Variants in ZFP42 observed in about 807,000 individuals in gnomAD.
ZFP42 encodes the protein zinc finger protein 42 homolog.
For missense variants in ZFP42, 438 were observed against 377.1 expected (o/e 1.16, Z -1.34); for synonymous variants, 175 against 144.6 (o/e 1.21, Z -1.51).
chr4:188,005,030 A>G lies in ZFP42; in HGVS notation c.*1290A>G, dbSNP rs904452718. On this transcript the variant is annotated 3_prime_UTR_variant, in exon 4 of 4. Coordinates refer to ENST00000326866, the MANE Select transcript of ZFP42 (RefSeq NM_174900.5). ...ATCCATTTTAGATATTTCACAATTA[A>G]AGAATATGAAACTTCAGAAATATGC... The G allele has an allele frequency of 6.0e-6, 1 of 167,100 alleles. No homozygotes were observed. The highest frequency in any genetic ancestry group is 1.5e-5 in the Non-Finnish European group (1 of 68,124). The allele number at this position is 167,100 out of a possible 1,614,324, so 10.4% of individuals were successfully genotyped here.
chr4:188,003,076 C>G lies in ZFP42; in HGVS notation c.269C>G (p.Ser90Ter). Residue 90 changes from serine (S) to a stop codon, truncating the protein, a stop_gained, in exon 4 of 4, where the codon TCA (serine) becomes TGA (stop). Coordinates refer to ENST00000326866, the MANE Select transcript of ZFP42 (RefSeq NM_174900.5). LOFTEE classifies it low-confidence loss of function (END_TRUNC). Reference sequence around the variant, plus strand: ...TCTCAACCCATCCTGGAAGAGGACTCACTTTTTGAGTCCTTGGAATACCTA... The same window carrying G: ...TCTCAACCCATCCTGGAAGAGGACTGACTTTTTGAGTCCTTGGAATACCTA... Reference protein sequence around the residue: ...EFSQPILEEDSLFESLEYLKK... With the variant: ...EFSQPILEED The G allele has an allele frequency of 6.2e-7, 1 of 1,614,166 alleles. No homozygotes were observed. Among genetic ancestry groups the G allele is most frequent in the Non-Finnish European group, 8.5e-7 (1 of 1,180,042 alleles).
At chr4:187,996,218 T>G (rs1733554808) in intron 1 of ZFP42, among the ~76,000 whole-genome samples, 1 of 152,214 alleles carries the variant, frequency 6.6e-6, no homozygotes, top group South Asian at 2.1e-4. Flanking sequence ...AAGACACCAG[T>G]CTCTTCCCTT....
Position 188,003,064 on chromosome 4 carries a change from T to C in ZFP42, c.257T>C (p.Leu86Pro). Reference sequence around the variant, plus strand: ...AGGGGTGAGTTTTCTCAACCCATCCTGGAAGAGGACTCACTTTTTGAGTCC... The same window carrying C: ...AGGGGTGAGTTTTCTCAACCCATCCCGGAAGAGGACTCACTTTTTGAGTCC... ...VIRGEFSQPILEEDSLFESLE... is the reference protein window; with the variant it reads ...VIRGEFSQPIPEEDSLFESLE... Residue 86 changes from leucine to proline, a missense_variant, in exon 4 of 4, where the codon CTG (leucine) becomes CCG (proline). Transcript: ENST00000326866. 4 of 1,614,162 alleles carry C rather than the reference T, an allele frequency of 2.5e-6. No individual in the cohort carries two copies. The highest frequency in any genetic ancestry group is 3.4e-6 in the Non-Finnish European group (4 of 1,180,032).
At position 188,003,742 on chromosome 4, in the gene ZFP42, C is replaced by T; in HGVS notation, c.*2C>T. On this transcript the variant is annotated 3_prime_UTR_variant, in exon 4 of 4. Transcript: ENST00000326866. ...AAGAATGAACAAGAGGGAAAGTAGT[C>T]CTCCAACAGGATGAAGCAGATTAAC... The T allele has an allele frequency of 6.2e-7, 1 of 1,603,786 alleles. No individual in the cohort carries two copies. The highest frequency in any genetic ancestry group is 8.5e-7 in the Non-Finnish European group (1 of 1,172,496).
At chr4:188,002,031 G>A (rs1178707809) in intron 3 of ZFP42, among the ~76,000 whole-genome samples, 2 of 152,162 alleles carry the variant, frequency 1.3e-5, no homozygotes, top group Admixed American at 6.5e-5. Flanking sequence ...AGAAAAAGTA[G>A]CCAGGCGTGG....
chr4:187,996,892 G>C (rs1733594081), intron 1 of ZFP42, among the ~76,000 whole-genome samples: 1 of 152,102 alleles, frequency 6.6e-6, no homozygotes, highest in Non-Finnish European at 1.5e-5. Flanking sequence ...GTTTCCTTGG[G>C]ACCTGGGATG....
rs576693830 is a variant in ZFP42 at position 187,996,288 on chromosome 4, A to T, written c.-339+448A>T. 1.7e-3 allele frequency among the ~76,000 whole-genome samples: 258 copies of T among 152,084 alleles called. 1 individual carries two copies. Among genetic ancestry groups the T allele is most frequent in the African/African-American group, 6.0e-3 (247 of 41,470 alleles). On this transcript the variant is annotated intron_variant, in intron 1 of 3. Coordinates refer to ENST00000326866, the MANE Select transcript of ZFP42 (RefSeq NM_174900.5). ...TACCCCCAACTCAAATTACTCTAGC[A>T]AAAAACCTAGGAGACTCTTTCTTTT...
chr4:188,003,309 C>A lies in ZFP42; in HGVS notation c.502C>A (p.Leu168Ile). 3 of 1,614,078 alleles carry A rather than the reference C, an allele frequency of 1.9e-6. No homozygotes were observed. Among genetic ancestry groups the A allele is most frequent in the Non-Finnish European group, 2.5e-6 (3 of 1,180,034 alleles). Reference sequence around the variant, plus strand: ...CATTGACCTATCAGATCCTAAACAGCTCGCAGAATTTGCTAGAAAGAAGCC... The same window carrying A: ...CATTGACCTATCAGATCCTAAACAGATCGCAGAATTTGCTAGAAAGAAGCC... ...PGIDLSDPKQLAEFARKKPPI... is the reference protein window; with the variant it reads ...PGIDLSDPKQIAEFARKKPPI... The change falls in exon 4 of 4, where the codon CTC becomes ATC. Residue 168 changes from leucine (L) to isoleucine (I), a missense_variant. Coordinates refer to ENST00000326866, the MANE Select transcript of ZFP42 (RefSeq NM_174900.5).
intron 1 of ZFP42, among the ~76,000 whole-genome samples, chr4:187,998,346 A>AG (rs1285145859): frequency 2.6e-5 from 4 of 151,170 alleles, no homozygotes; most frequent in African/African-American, 9.7e-5. Context: ...CAAAAAAAAA[A>AG]GTAAATAAAT....
chr4:187,997,400 A>AT (rs1179731428), intron 1 of ZFP42, among the ~76,000 whole-genome samples: 16 of 148,644 alleles, frequency 1.1e-4, no homozygotes, highest in African/African-American at 2.7e-4. Context: ...CGCCCGACTA[A>AT]TTTTTTTTAT....
chr4:188,002,580 G>A, intron 3 of ZFP42, 133 bp from the exon 4 acceptor site: 1 of 550,424 alleles, frequency 1.8e-6, no homozygotes, highest in Non-Finnish European at 3.3e-6. Context: ...CTTACACAGA[G>A]CTCATTCTTG....
Position 188,003,013 on chromosome 4 carries a change from C to T in ZFP42, c.206C>T (p.Ser69Leu), listed in dbSNP as rs867957900. The stretch of plus-strand genomic sequence containing the variant: ...CAGGCTCTCGGAGGGGATGATTTCT[C>T]AGACTGTTACATAGAATGCGTCATA... Reference protein sequence around the residue: ...GPQALGGDDFSDCYIECVIRG... With the variant: ...GPQALGGDDFLDCYIECVIRG... Residue 69 changes from serine to leucine, a missense_variant, in exon 4 of 4, where the codon TCA becomes TTA. Physicochemically the swap from Ser to Leu is moderately radical, Grantham distance 145. Transcript: ENST00000326866. The T allele has an allele frequency of 6.2e-7, 1 of 1,614,132 alleles. No homozygotes were observed. Among genetic ancestry groups the T allele is most frequent in the Non-Finnish European group, 8.5e-7 (1 of 1,180,022 alleles).
chr4:188,003,455 C>T lies in ZFP42; in HGVS notation c.648C>T (p.Asp216=), dbSNP rs1375102642. ...ATCTCCTCATTCATGGTCCCCGAGA[C>T]CACGTCTGTGCGGAATGTGGGAAAG... ...RKHLLIHGPR[D]HVCAECGKAF... The change falls in exon 4 of 4, where the codon GAC becomes GAT. Residue 216 remains aspartate (D), a synonymous_variant. Transcript: ENST00000326866. 4 of 1,614,078 alleles carry T rather than the reference C, an allele frequency of 2.5e-6. No homozygotes were observed. The South Asian group carries it at 4.4e-5, about 18-fold the overall frequency.
At chr4:187,998,790 C>T (rs1165017484) in intron 1 of ZFP42, among the ~76,000 whole-genome samples, 1 of 152,156 alleles carries the variant, frequency 6.6e-6, no homozygotes, top group Non-Finnish European at 1.5e-5. Flanking sequence ...GTGATGTTCA[C>T]AGGATGACAC....
chr4:188,000,489 T>A (rs1419544366), intron 3 of ZFP42, among the ~76,000 whole-genome samples: 1 of 152,054 alleles, frequency 6.6e-6, no homozygotes, highest in African/African-American at 2.4e-5. Context: ...CAGGCTCAAG[T>A]GATCTCCTGC....
chr4:187,998,538 C>T (rs112719845), intron 1 of ZFP42, among the ~76,000 whole-genome samples: 3,653 of 152,260 alleles, frequency 0.024, 56 homozygotes, highest in Non-Finnish European at 0.032. Context: ...AGAGCCACTA[C>T]CAGTACTGTG....
At chr4:187,996,414 G>A (rs1308542089) in intron 1 of ZFP42, among the ~76,000 whole-genome samples, 3 of 152,052 alleles carry the variant, frequency 2.0e-5, no homozygotes, top group Non-Finnish European at 2.9e-5. Context: ...GGGTTCAAGG[G>A]ATTCTCCTGC....
At chr4:187,996,996 G>T (rs1431477696) in intron 1 of ZFP42, among the ~76,000 whole-genome samples, 1 of 32,036 alleles carries the variant, frequency 3.1e-5, no homozygotes, top group South Asian at 1.8e-3. Flanking sequence ...AGGGAGCATG[G>T]AGCATGGAGC....
At chr4:187,996,652 A>G (rs1319752213) in intron 1 of ZFP42, among the ~76,000 whole-genome samples, 1 of 151,866 alleles carries the variant, frequency 6.6e-6, no homozygotes. Context: ...TCTTCATCCA[A>G]TCCACCGGCG....
Sources: gnomAD v4.1 joint callset for allele counts (sites outside exome capture counted in the v4.1 genomes callset) on GRCh38, gnomAD v4.1.1 for gene constraint, MANE v1.5 for transcripts, NCBI Gene and HGNC (gene_info 2026-07-23, HGNC 2026-07-21) for gene names.